TMEM38B: variants seen among roughly 807,000 people sequenced by gnomAD.
The protein encoded by TMEM38B is transmembrane protein 38B, also known as trimeric intracellular cation channel type B.
A neutral mutation model predicts 28.7 loss-of-function variants in TMEM38B; 24 were observed. The observed-to-expected ratio is 0.84, with a 90% CI of 0.61 to 1.18. The LOEUF (loss-of-function observed/expected upper bound fraction) is 1.18. Ranked by LOEUF, TMEM38B falls within the 50% of genes most tolerant of loss-of-function variation. The pLI is 0.00. For missense variants in TMEM38B, 380 were observed against 350.9 expected (o/e 1.08, Z -0.66); for synonymous variants, 131 against 127.7 (o/e 1.03, Z -0.17).
chr9:105,711,585 C>A (rs1323830841), intron 2 of TMEM38B, among the ~76,000 whole-genome samples: 1 of 152,028 alleles, frequency 6.6e-6, no homozygotes, highest in Admixed American at 6.6e-5. Context: ...GTTGCTCATG[C>A]CTGTAATCCC....
At chr9:105,752,345 G>A (rs1837684886) in intron 5 of TMEM38B, among the ~76,000 whole-genome samples, 1 of 152,186 alleles carries the variant, frequency 6.6e-6, no homozygotes, top group African/African-American at 2.4e-5. Context: ...TTTTAAGCGG[G>A]TCCCTGATCC....
chr9:105,696,788 G>T (rs1835303632), intron 1 of TMEM38B, among the ~76,000 whole-genome samples: 1 of 152,146 alleles, frequency 6.6e-6, no homozygotes, highest in Non-Finnish European at 1.5e-5. Flanking sequence ...CAGGATTTAT[G>T]GTAAGTGAAA....
intron 5 of TMEM38B, among the ~76,000 whole-genome samples, chr9:105,772,969 AT>A (rs553579508): frequency 1.3e-3 from 203 of 152,134 alleles, no homozygotes; most frequent in African/African-American, 4.6e-3. Context: ...GTAAGAATTT[AT>A]TCTTGATACC....
chr9:105,760,513 C>T (rs1350133362), intron 5 of TMEM38B: 1 of 741,312 alleles, frequency 1.3e-6, no homozygotes, highest in Admixed American at 2.0e-5. Flanking sequence ...CTTTGAAAAG[C>T]AAAAAGTTTC....
chr9:105,749,104 T>C (rs1056227342), intron 5 of TMEM38B: 8 of 1,303,580 alleles, frequency 6.1e-6, no homozygotes, highest in Non-Finnish European at 7.1e-6. Context: ...TCTGTGGCTG[T>C]AATTCAGGTA....
intron 2 of TMEM38B, among the ~76,000 whole-genome samples, chr9:105,721,036 C>T (rs1836299430): frequency 6.6e-6 from 1 of 152,066 alleles, no homozygotes; most frequent in Non-Finnish European, 1.5e-5. Context: ...CGTCATGTAC[C>T]TTTGTATAGA....
chr9:105,717,562 C>T (rs1836152159), intron 2 of TMEM38B, among the ~76,000 whole-genome samples: 1 of 152,062 alleles, frequency 6.6e-6, no homozygotes, highest in Non-Finnish European at 1.5e-5. Context: ...AAGAATAAAT[C>T]TCAGGAATAG....
chr9:105,771,614 C>T (rs929212096), intron 5 of TMEM38B, among the ~76,000 whole-genome samples: 28 of 152,088 alleles, frequency 1.8e-4, no homozygotes, highest in African/African-American at 6.8e-4. Context: ...AAGCTATGAC[C>T]AAGGTAATTA....
chr9:105,716,651 A>ACGGAG (rs879614955), intron 2 of TMEM38B, among the ~76,000 whole-genome samples: 27,267 of 151,700 alleles, frequency 0.18, 3,504 homozygotes, highest in East Asian at 0.45. Flanking sequence ...ACTTATGTGC[A>ACGGAG]GATTTTCTTC....
intron 5 of TMEM38B, among the ~76,000 whole-genome samples, chr9:105,763,266 G>A (rs1294803154): frequency 1.3e-5 from 2 of 152,110 alleles, no homozygotes; most frequent in Non-Finnish European, 2.9e-5. Flanking sequence ...AGTTTAATTA[G>A]CTCTCATTTG....
At chr9:105,745,764 A>G (rs1837366590) in intron 4 of TMEM38B, among the ~76,000 whole-genome samples, 1 of 151,412 alleles carries the variant, frequency 6.6e-6, no homozygotes, top group Admixed American at 6.6e-5. Flanking sequence ...TAATTTTTGT[A>G]TAATTACAAA....
intron 2 of TMEM38B, chr9:105,710,739 GACAA>G: frequency 1.7e-6 from 1 of 595,742 alleles, no homozygotes. Context: ...CTATGTTCCT[GACAA>G]ACAGAGACAT....
At chr9:105,705,071 T>G (rs1188465511) in intron 1 of TMEM38B, among the ~76,000 whole-genome samples, 1 of 152,200 alleles carries the variant, frequency 6.6e-6, no homozygotes, top group Non-Finnish European at 1.5e-5. Flanking sequence ...AATAAGTAAT[T>G]AGTTAAGACT....
intron 4 of TMEM38B, among the ~76,000 whole-genome samples, chr9:105,729,439 C>T (rs577587759): frequency 6.6e-5 from 10 of 152,158 alleles, no homozygotes; most frequent in South Asian, 6.2e-4. Flanking sequence ...CATTGGTCTA[C>T]ATCTCTGTTT....
chr9:105,730,339 G>A (rs1471562228), intron 4 of TMEM38B, among the ~76,000 whole-genome samples: 1 of 151,862 alleles, frequency 6.6e-6, no homozygotes, highest in East Asian at 1.9e-4. Flanking sequence ...AGATAATCAT[G>A]TGGTTTTTTC....
intron 4 of TMEM38B, among the ~76,000 whole-genome samples, chr9:105,745,555 G>T (rs1399441941): frequency 1.3e-5 from 2 of 152,056 alleles, no homozygotes; most frequent in Non-Finnish European, 2.9e-5. Context: ...CACTCTGATG[G>T]TAGTTTCTTT....
At chr9:105,703,482 G>C (rs982269620) in intron 1 of TMEM38B, among the ~76,000 whole-genome samples, 2 of 152,180 alleles carry the variant, frequency 1.3e-5, no homozygotes, top group South Asian at 2.1e-4. Context: ...AGTCTTTGCT[G>C]TTGTGAATAA....
intron 4 of TMEM38B, among the ~76,000 whole-genome samples, chr9:105,732,413 G>A (rs1836783968): frequency 6.6e-6 from 1 of 152,104 alleles, no homozygotes; most frequent in Non-Finnish European, 1.5e-5. Context: ...TATTGCCTAG[G>A]TTTTCTTCCA....
chr9:105,772,389 C>A lies in TMEM38B; in HGVS notation c.661-1476C>A, dbSNP rs559033499. ...CATTCCAACCTATGGCTCCTTATCC[C>A]CCCTGGACTTCTGCTTTCTATTCCC... On this transcript the variant is annotated intron_variant, in intron 5 of 5. Coordinates refer to ENST00000374692, the MANE Select transcript of TMEM38B (RefSeq NM_018112.3). Among the ~76,000 whole-genome samples the A allele has an allele frequency of 3.3e-5, 5 of 152,284 alleles. No homozygotes were observed. In the South Asian group the frequency reaches 1.0e-3, roughly 32 times the overall value.
Sources: allele counts gnomAD v4.1 joint callset (sites outside exome capture counted in the v4.1 genomes callset), GRCh38; gene constraint gnomAD v4.1.1; transcripts MANE v1.5; gene names NCBI Gene and HGNC (gene_info 2026-07-23, HGNC 2026-07-21).